The following DENND5B variants were observed in gnomAD, a reference collection of about 807,000 sequenced individuals.
The protein encoded by DENND5B is DENN domain containing 5B, also known as DENN domain-containing protein 5B.
In DENND5B, 34 loss-of-function variants were observed where a neutral mutation model predicts 140.6. The ratio of observed to expected loss-of-function variants is 0.24; its 90% CI spans 0.18 to 0.32. The LOEUF (loss-of-function observed/expected upper bound fraction) is 0.32. DENND5B is among the 10% of genes least tolerant of loss of function. DENND5B has a pLI of 1.00. For missense variants in DENND5B, 1,142 were observed against 1,560.2 expected, an observed-to-expected ratio of 0.73 and a Z score of 4.52; for synonymous variants, 551 against 562.1, an observed-to-expected ratio of 0.98 and a Z score of 0.28.
intron 6 of DENND5B, among the ~76,000 whole-genome samples, chr12:31,445,174 C>G (rs952973470): frequency 1.3e-5 from 2 of 152,160 alleles, no homozygotes; most frequent in African/African-American, 4.8e-5. Flanking sequence ...TGGCAAAGAA[C>G]AGGTTAAGGA....
In DENND5B at chr12:31,498,186, T is replaced by C. The variant is rs142024362; in HGVS notation, c.128-2267A>G. ...ACACCAGAAATACTTGCTTTTATTA[T>C]CCACAAATGTAAATAAAATATGAAA... On this transcript the variant is annotated intron_variant, in intron 1 of 20. Coordinates refer to ENST00000389082, the MANE Select transcript of DENND5B (RefSeq NM_144973.4). Among the ~76,000 whole-genome samples, 355 of 152,224 alleles carry C rather than the reference T, an allele frequency of 2.3e-3. 3 individuals are homozygous for C. Among genetic ancestry groups the C allele is most frequent in the Non-Finnish European group, 3.7e-3 (255 of 68,010 alleles).
Position 31,590,767 on chromosome 12 carries a change from C to G in DENND5B, c.66G>C (p.Ala22=). Residue 22 remains alanine, a synonymous_variant, in exon 1 of 21, where the codon GCG becomes GCC. Transcript: ENST00000389082. ...CGATCCCGCACAGCACGAAGTAGTG[C>G]GCGAAGCGGCAGGCGGCCGGGGAGG... is the stretch of plus-strand genomic sequence containing the variant. The part of the protein sequence containing the change: ...SGSSPAACRF[A]HYFVLCGIDA... 3 of 1,394,260 alleles carry G rather than the reference C, an allele frequency of 2.2e-6. No homozygotes were observed. The highest frequency in any genetic ancestry group is 2.8e-6 in the Non-Finnish European group (3 of 1,073,214). 86.4% of individuals were successfully genotyped at this position (1,394,260 alleles called of 1,614,324 possible).
chr12:31,583,622 G>A (rs1950286019), intron 1 of DENND5B, among the ~76,000 whole-genome samples: 1 of 152,072 alleles, frequency 6.6e-6, no homozygotes, highest in Non-Finnish European at 1.5e-5. Context: ...AGGTTGCAGT[G>A]AGCCGAGATC....
At chr12:31,530,143 C>A (rs532335182) in intron 1 of DENND5B, among the ~76,000 whole-genome samples, 6 of 152,156 alleles carry the variant, frequency 3.9e-5, no homozygotes, top group Admixed American at 1.3e-4. Context: ...GAGGCAGCGG[C>A]GGGCAGATCA....
At chr12:31,513,284 A>G (rs954173200) in intron 1 of DENND5B, among the ~76,000 whole-genome samples, 1 of 152,182 alleles carries the variant, frequency 6.6e-6, no homozygotes, top group Non-Finnish European at 1.5e-5. Flanking sequence ...TGGCTAAGAT[A>G]GTGTTCTTCA....
At chr12:31,520,059 G>A (rs773650938) in intron 1 of DENND5B, among the ~76,000 whole-genome samples, 3 of 152,162 alleles carry the variant, frequency 2.0e-5, no homozygotes, top group Admixed American at 2.0e-4. Context: ...TAGTGTTTAG[G>A]CAATAAATGA....
chr12:31,439,288 C>T (rs1167894636), intron 7 of DENND5B, among the ~76,000 whole-genome samples: 1 of 152,154 alleles, frequency 6.6e-6, no homozygotes, highest in Non-Finnish European at 1.5e-5. Context: ...TTGACTATAT[C>T]TACCTGAAAA....
At chr12:31,556,358 T>C (rs1343763791) in intron 1 of DENND5B, among the ~76,000 whole-genome samples, 1 of 152,158 alleles carries the variant, frequency 6.6e-6, no homozygotes, top group East Asian at 1.9e-4. Context: ...CCTGCCACCA[T>C]GCCCAGCTAA....
At chr12:31,486,343 C>T (rs564292892) in intron 2 of DENND5B, among the ~76,000 whole-genome samples, 161 of 152,360 alleles carry the variant, frequency 1.1e-3, no homozygotes, top group South Asian at 5.2e-3. Context: ...TCATTAGACC[C>T]TAAACCTACA....
rs1427097948 is a variant in DENND5B at position 31,398,179 on chromosome 12, G to C, written c.3252C>G (p.Asn1084Lys). Residue 1084 changes from asparagine to lysine, a missense_variant, in exon 17 of 21, where the codon AAC becomes AAG. Asn to Lys is a moderately conservative substitution (Grantham distance 94). Transcript: ENST00000389082. ...GAAAAATTTAAATAAATTTACTGTT[G>C]TTTTTTCCTGTCAGTGAAGTGATGC... ...RLSITSLTGKNNKPNAGQIQE... is the reference protein window; with the variant it reads ...RLSITSLTGKKNKPNAGQIQE... 6 of 1,586,882 alleles carry C rather than the reference G, an allele frequency of 3.8e-6. No homozygotes were observed. The highest frequency in any genetic ancestry group is 1.3e-5 in the African/African-American group (1 of 74,154).
chr12:31,452,067 T>C lies in DENND5B; in HGVS notation c.1502A>G (p.Gln501Arg). The change falls in exon 5 of 21, where the codon CAG becomes CGG. Residue 501 changes from glutamine to arginine, a missense_variant. Gln to Arg is a conservative substitution (Grantham distance 43). Coordinates refer to ENST00000389082, the MANE Select transcript of DENND5B (RefSeq NM_144973.4). The stretch of plus-strand genomic sequence containing the variant: ...ACGGTTAGCAAAGACCTCTCGGAGC[T>C]GTACATTGAGCTGGTAGTCCCTTAG... Reference protein sequence around the residue: ...AELRDYQLNVQLREVFANRFT... With the variant: ...AELRDYQLNVRLREVFANRFT... 6.2e-7 allele frequency: 1 copy of C among 1,614,036 alleles called. No homozygotes were observed. Among genetic ancestry groups the C allele is most frequent in the African/African-American group, 1.3e-5 (1 of 75,052 alleles).
intron 2 of DENND5B, among the ~76,000 whole-genome samples, chr12:31,495,297 T>C (rs1565636599): frequency 6.6e-6 from 1 of 152,116 alleles, no homozygotes; most frequent in Non-Finnish European, 1.5e-5. Flanking sequence ...ATAAACTTAT[T>C]AACTATGGAA....
chr12:31,546,831 T>C (rs183150894), intron 1 of DENND5B, among the ~76,000 whole-genome samples: 11 of 152,336 alleles, frequency 7.2e-5, no homozygotes, highest in African/African-American at 2.6e-4. Flanking sequence ...TCTATAAAAA[T>C]ATGGTAATAT....
At chr12:31,542,683 C>T (rs1420029343) in intron 1 of DENND5B, among the ~76,000 whole-genome samples, 1 of 152,156 alleles carries the variant, frequency 6.6e-6, no homozygotes, top group Non-Finnish European at 1.5e-5. Flanking sequence ...GGGTAGGGCA[C>T]GGTGGCTCAT....
intron 1 of DENND5B, among the ~76,000 whole-genome samples, chr12:31,525,286 C>T (rs1293474143): frequency 6.6e-6 from 1 of 152,168 alleles, no homozygotes; most frequent in African/African-American, 2.4e-5. Flanking sequence ...GTAGAAACAA[C>T]CTAAATTTCC....
intron 7 of DENND5B, among the ~76,000 whole-genome samples, chr12:31,439,652 G>A (rs758058804): frequency 2.6e-5 from 4 of 151,638 alleles, no homozygotes; most frequent in Admixed American, 6.6e-5. Context: ...AAAAAGCACC[G>A]GGTGCAGTGG....
At chr12:31,558,674 A>G (rs971790140) in intron 1 of DENND5B, among the ~76,000 whole-genome samples, 1 of 152,222 alleles carries the variant, frequency 6.6e-6, no homozygotes, top group African/African-American at 2.4e-5. Context: ...CACTTTACAC[A>G]ACACTGAATC....
At chr12:31,490,237 G>A (rs990398428) in intron 2 of DENND5B, among the ~76,000 whole-genome samples, 1 of 151,802 alleles carries the variant, frequency 6.6e-6, no homozygotes, top group African/African-American at 2.4e-5. Flanking sequence ...AAGGAAACGG[G>A]CGAGAGGATG....
intron 1 of DENND5B, among the ~76,000 whole-genome samples, chr12:31,556,206 C>CT (rs536495240): frequency 6.6e-4 from 100 of 151,962 alleles, no homozygotes; most frequent in African/African-American, 1.4e-4. Context: ...CTCCTCCCCC[C>CT]TTTTTTTTCT....
Sources: gnomAD v4.1 joint callset for allele counts (sites outside exome capture counted in the v4.1 genomes callset) on GRCh38, gnomAD v4.1.1 for gene constraint, MANE v1.5 for transcripts, NCBI Gene and HGNC (gene_info 2026-07-23, HGNC 2026-07-21) for gene names.